Variants in NUP85 observed in about 807,000 individuals in gnomAD.
NUP85 encodes nuclear pore complex protein Nup85.
NUP85 carries 23 observed loss-of-function variants against 92.8 expected under a neutral mutation model. The ratio of observed to expected loss-of-function variants is 0.25; its 90% confidence interval spans 0.18 to 0.35. The LOEUF is 0.35. Ranked by LOEUF, NUP85 falls within the 10% of genes least tolerant of loss-of-function variation. The pLI is 1.00. For synonymous variants in NUP85, 314 were observed against 306.9 expected, an observed-to-expected ratio of 1.02 and a Z score of -0.24; for missense variants, 759 against 822.8, an observed-to-expected ratio of 0.92 and a Z score of 0.95.
At position 75,233,178 on chromosome 17, in the gene NUP85, G is replaced by A; in HGVS notation, c.1615+20G>A. 6.2e-7 allele frequency: 1 copy of A among 1,610,300 alleles called. No homozygotes were observed. Among genetic ancestry groups the A allele is most frequent in the Non-Finnish European group, 8.5e-7 (1 of 1,176,990 alleles). ...TCCTGGGTGAGTCTCTGGGTTTTGTGCCCTGTGCTTTGGGCACAAGTGGGT... is the reference window on the plus strand; with the variant it reads ...TCCTGGGTGAGTCTCTGGGTTTTGTACCCTGTGCTTTGGGCACAAGTGGGT... On this transcript the variant is annotated intron_variant, in intron 16 of 18. Transcript: ENST00000245544.
In NUP85 at chr17:75,212,079, C is replaced by T. The variant is rs1419648188; in HGVS notation, c.361+17C>T. 2.8e-5 allele frequency: 41 copies of T among 1,470,146 alleles called. No individual in the cohort carries two copies. The highest frequency in any genetic ancestry group is 1.5e-4 in the African/African-American group (7 of 47,966). The allele number at this position is 1,470,146 out of a possible 1,614,324, so 91.1% of individuals were successfully genotyped here. A position where few individuals can be genotyped will look rare whatever the true frequency, so the allele number is the denominator to read the frequency against. On this transcript the variant is annotated intron_variant, in intron 4 of 18. Transcript: ENST00000245544. ...AGGTTGCAAGTAAGGACTGTGTGCG[C>T]GTGCGCGCGTGTGTGTGTGTGTGTG...
rs1282325402 is a variant in NUP85 at position 75,227,340 on chromosome 17, T to G, written c.1094+1183T>G. On this transcript the variant is annotated intron_variant, in intron 11 of 18. Transcript: ENST00000245544. ...TTTGTTTCTGGGTTTTTTTTTTTTT[T>G]TTTTTTTTTTTTGAGACAGAGTTTT... Among the ~76,000 whole-genome samples, 268 of 147,732 alleles carry G rather than the reference T, an allele frequency of 1.8e-3. 4 individuals are homozygous for G. Among genetic ancestry groups the G allele is most frequent in the African/African-American group, 5.8e-3 (232 of 40,030 alleles).
Position 75,235,189 on chromosome 17 carries a change from C to T in NUP85, c.1857C>T (p.Thr619=), listed in dbSNP as rs142085095. Residue 619 remains threonine, a synonymous_variant, in exon 18 of 19, where the codon ACC becomes ACT. Transcript: ENST00000245544. Reference sequence around the variant, plus strand: ...GACCTGTGCATGGAGAATCTGATACCGAGCAGCTCCAGGTCATTTTCACTT... The same window carrying T: ...GACCTGTGCATGGAGAATCTGATACTGAGCAGCTCCAGGTCATTTTCACTT... The part of the protein sequence containing the change: ...SRRPVHGESD[T]EQLQDDDIET... 2.3e-3 allele frequency: 3,677 copies of T among 1,612,704 alleles called. 7 individuals carry two copies. Among genetic ancestry groups the T allele is most frequent in the Middle Eastern group, 2.8e-3 (17 of 6,050 alleles).
In NUP85 at chr17:75,231,790, G is replaced by A. The variant is rs745960146; in HGVS notation, c.1245-38G>A. 6.8e-6 allele frequency: 11 copies of A among 1,612,506 alleles called. No individual in the cohort carries two copies. Among genetic ancestry groups the A allele is most frequent in the Non-Finnish European group, 9.3e-6 (11 of 1,179,036 alleles). On this transcript the variant is annotated intron_variant, in intron 13 of 18. Coordinates refer to ENST00000245544, the MANE Select transcript of NUP85 (RefSeq NM_024844.5). This position sits in a 1 kb window ranked among gnomAD's most constrained non-coding sequence, Gnocchi z 4.6. ...TAGGTGCCAGTCCTCGGAGCCATGA[G>A]GCAGCACCTCATGTCTGTCCTCCTC...
At chr17:75,218,382 C>A in intron 7 of NUP85, 76 bp downstream of exon 7, 1 of 1,579,532 alleles carries the variant, frequency 6.3e-7, no homozygotes, top group African/African-American at 1.3e-5. Flanking sequence ...CTGAGGACAC[C>A]CACTGAGCCT....
chr17:75,209,839 G>T lies in NUP85; in HGVS notation c.144G>T (p.Val48=). ...SFNKKEKSEM[V]PSCPFIYIIR... ...TGGTTTCAGAAAAATCAGAGATGGT[G>T]CCAAGTTGCCCCTTTATCTATATCA... Residue 48 remains valine (V), a synonymous_variant, in exon 3 of 19, where the codon GTG becomes GTT. Coordinates refer to ENST00000245544, the MANE Select transcript of NUP85 (RefSeq NM_024844.5). 1 of 1,576,660 alleles carries T rather than the reference G, an allele frequency of 6.3e-7. No homozygotes were observed. Among genetic ancestry groups the T allele is most frequent in the Non-Finnish European group, 8.6e-7 (1 of 1,169,222 alleles).
At chr17:75,208,306 G>T in intron 1 of NUP85, 3 of 439,892 alleles carry the variant, frequency 6.8e-6, no homozygotes, top group Non-Finnish European at 4.0e-6. Flanking sequence ...ATAGCCGGGT[G>T]TGGTTGCACA....
At chr17:75,215,884 C>T in intron 6 of NUP85, 61 bp downstream of exon 6, 1 of 1,372,080 alleles carries the variant, frequency 7.3e-7, no homozygotes, top group South Asian at 1.2e-5. Context: ...CTGCTCTTTC[C>T]TCATCTTTCC....
At chr17:75,232,797 A>C in intron 14 of NUP85, 54 bp from the exon 15 acceptor site, 1 of 1,517,358 alleles carries the variant, frequency 6.6e-7, no homozygotes, top group South Asian at 1.1e-5. Context: ...AGGGCTCAGG[A>C]ATGGAGTGAT....
intron 18 of NUP85, 152 bp from the exon 19 acceptor site, chr17:75,235,426 G>A (rs1398451352): frequency 1.6e-6 from 1 of 622,776 alleles, no homozygotes; most frequent in Admixed American, 2.9e-5. Flanking sequence ...TTCCAGTATG[G>A]CCCTTTGGTA....
Position 75,208,761 on chromosome 17 carries a change from G to A in NUP85, c.127+141G>A, listed in dbSNP as rs535309291. ...TTAATTTTCTCTATTTTGTTTTCAAGATACAACAGGGTTTTGTTGTGTCAC... is the reference window on the plus strand; with the variant it reads ...TTAATTTTCTCTATTTTGTTTTCAAAATACAACAGGGTTTTGTTGTGTCAC... On this transcript the variant is annotated intron_variant, in intron 2 of 18. Coordinates refer to ENST00000245544, the MANE Select transcript of NUP85 (RefSeq NM_024844.5). The A allele has an allele frequency of 8.2e-5, 55 of 671,776 alleles. 1 individual carries two copies. Among genetic ancestry groups the A allele is most frequent in the South Asian group, 6.1e-4 (37 of 60,314 alleles). 41.6% of individuals were successfully genotyped at this position (671,776 alleles called of 1,614,324 possible).
At position 75,223,322 on chromosome 17, in the gene NUP85, G is replaced by A. The variant is rs575214814; in HGVS notation, c.598-1781G>A. ...TTGGGGGTTACAGATAAATTTTAGT[G>A]AGTAGGCAGATTCACAGATAAAGAC... On this transcript the variant is annotated intron_variant, in intron 7 of 18. Transcript: ENST00000245544. Among the ~76,000 whole-genome samples, 3 of 152,286 alleles carry A rather than the reference G, an allele frequency of 2.0e-5. No individual in the cohort carries two copies. In the South Asian group the frequency reaches 6.2e-4, roughly 32 times the overall value.
At chr17:75,227,235 T>C (rs2145367429) in intron 11 of NUP85, among the ~76,000 whole-genome samples, 1 of 152,204 alleles carries the variant, frequency 6.6e-6, no homozygotes, top group Non-Finnish European at 1.5e-5. Flanking sequence ...TACCTGCTTT[T>C]CTTGTTTTGG....
Position 75,213,135 on chromosome 17 carries a change from T to C in NUP85, c.405+16T>C. ...CAGCAGCCAGGTAAGGGGAGTCACC[T>C]TTATTGTTTTAGCACCACTGTGTCC... On this transcript the variant is annotated intron_variant, in intron 5 of 18. Transcript: ENST00000245544. 1 of 1,612,630 alleles carries C rather than the reference T, an allele frequency of 6.2e-7. No homozygotes were observed. Among genetic ancestry groups the C allele is most frequent in the Non-Finnish European group, 8.5e-7 (1 of 1,179,336 alleles).
chr17:75,234,827 G>C (rs762504317), intron 17 of NUP85, 39 bp downstream of exon 17: 1 of 1,610,662 alleles, frequency 6.2e-7, no homozygotes, highest in Non-Finnish European at 8.5e-7. Flanking sequence ...TTGCTTGTCA[G>C]TCCCTGCTAG....
Position 75,205,734 on chromosome 17 carries a change from G to T in NUP85, c.-28G>T, listed in dbSNP as rs748820312. 9 of 1,614,112 alleles carry T rather than the reference G, an allele frequency of 5.6e-6. No individual in the cohort carries two copies. In the South Asian group the frequency reaches 9.9e-5, roughly 18 times the overall value. On this transcript the variant is annotated 5_prime_UTR_variant, in exon 1 of 19. Coordinates refer to ENST00000245544, the MANE Select transcript of NUP85 (RefSeq NM_024844.5). The stretch of plus-strand genomic sequence containing the variant: ...GAGCGGGAAGCATTGGCGTCCGAGC[G>T]ACTTCTAGGAGCCTGGGGTTCGGCG...
intron 4 of NUP85, 43 bp from the exon 5 acceptor site, chr17:75,213,033 T>A (rs749590904): frequency 6.3e-7 from 1 of 1,590,202 alleles, no homozygotes; most frequent in Admixed American, 1.7e-5. Flanking sequence ...ACAATAAGCC[T>A]AAGAGTTCCA....
At chr17:75,230,369 T>TTG (rs2076003910) in intron 11 of NUP85, among the ~76,000 whole-genome samples, 1 of 151,144 alleles carries the variant, frequency 6.6e-6, no homozygotes. Flanking sequence ...TTTGTTTTTT[T>TTG]TTTTTTTTGA....
intron 11 of NUP85, chr17:75,228,654 A>T (rs1490901252): frequency 1.0e-6 from 1 of 985,270 alleles, no homozygotes; most frequent in Non-Finnish European, 1.2e-6. Context: ...CTCTTTCTGG[A>T]CTTGAGCCAG....
Sources: gnomAD v4.1 joint callset for allele counts (sites outside exome capture counted in the v4.1 genomes callset) on GRCh38, gnomAD v4.1.1 for gene constraint, Gnocchi (gnomAD v3.1) non-coding constraint, MANE v1.5 for transcripts, NCBI Gene and HGNC (gene_info 2026-07-23, HGNC 2026-07-21) for gene names.